JAKMIP2: variants seen among roughly 807,000 people sequenced by gnomAD.
JAKMIP2 encodes the protein janus kinase and microtubule-interacting protein 2.
Under a neutral mutation model 115.0 loss-of-function variants are expected in JAKMIP2, and 25 were observed. The observed-to-expected ratio is 0.22, with a 90% CI of 0.16 to 0.30. JAKMIP2 has a LOEUF of 0.30. JAKMIP2 is among the 10% of genes least tolerant of loss of function. JAKMIP2 has a pLI of 1.00. For synonymous variants in JAKMIP2, 334 were observed against 343.6 expected (o/e 0.97, Z 0.31); for missense variants, 642 against 957.6 (o/e 0.67, Z 4.35).
At chr5:147,754,918 A>G (rs1035199731) in intron 1 of JAKMIP2, among the ~76,000 whole-genome samples, 4 of 152,194 alleles carry the variant, frequency 2.6e-5, no homozygotes, top group East Asian at 1.9e-4. Context: ...TTAGGCCACT[A>G]TGAGTGGAAG....
intron 1 of JAKMIP2, among the ~76,000 whole-genome samples, chr5:147,751,351 G>A (rs899141419): frequency 3.4e-4 from 50 of 148,390 alleles, no homozygotes; most frequent in South Asian, 4.4e-4. Context: ...GCCCTCCTCC[G>A]CCTCCCAACG....
chr5:147,774,101 T>C (rs957096717), intron 1 of JAKMIP2, among the ~76,000 whole-genome samples: 9 of 152,144 alleles, frequency 5.9e-5, no homozygotes, highest in African/African-American at 2.2e-4. Context: ...CTAAAAATAA[T>C]ATATTCTCTA....
intron 1 of JAKMIP2, among the ~76,000 whole-genome samples, chr5:147,760,068 T>G (rs1301625029): frequency 1.3e-5 from 2 of 152,080 alleles, no homozygotes; most frequent in African/African-American, 2.4e-5. Context: ...CAAATTGGCT[T>G]TAAAACCTAA....
intron 1 of JAKMIP2, among the ~76,000 whole-genome samples, chr5:147,702,452 A>AGGAG (rs1386186034): frequency 8.0e-6 from 1 of 124,508 alleles, no homozygotes; most frequent in African/African-American, 3.5e-5. Context: ...GAAGGAAGGA[A>AGGAG]GGAAGGAAGG....
chr5:147,750,482 T>C (rs1294279122), intron 1 of JAKMIP2, among the ~76,000 whole-genome samples: 1 of 151,748 alleles, frequency 6.6e-6, no homozygotes, highest in Non-Finnish European at 1.5e-5. Flanking sequence ...AAGACTGATG[T>C]AAAGTCTGAA....
At chr5:147,679,956 T>C (rs1419437909) in intron 1 of JAKMIP2, among the ~76,000 whole-genome samples, 2 of 152,104 alleles carry the variant, frequency 1.3e-5, no homozygotes, top group Non-Finnish European at 2.9e-5. Context: ...AATAGAATGG[T>C]GATTAGTAAC....
In JAKMIP2 at chr5:147,640,721, C is replaced by T. The variant is rs375701516; in HGVS notation, c.1384G>A (p.Asp462Asn). 31 of 1,613,564 alleles carry T rather than the reference C, an allele frequency of 1.9e-5. No individual in the cohort carries two copies. The highest frequency in any genetic ancestry group is 1.5e-4 in the Admixed American group (9 of 59,974). ...FRTDRTPATP[D>N]DDLDESLAAE... Reference sequence around the variant, plus strand: ...AAGCTTACTTCATCCAAGTCATCATCAGGAGTAGCTGGTGTTCTGTCTGTT... The same window carrying T: ...AAGCTTACTTCATCCAAGTCATCATTAGGAGTAGCTGGTGTTCTGTCTGTT... Residue 462 changes from aspartate to asparagine, a missense_variant, in exon 9 of 22, where the codon GAT (aspartate) becomes AAT (asparagine). Coordinates refer to ENST00000616793, the MANE Select transcript of JAKMIP2 (RefSeq NM_001270941.2).
chr5:147,601,576 C>T (rs936097605), intron 21 of JAKMIP2, among the ~76,000 whole-genome samples, 165 bp downstream of exon 21: 5 of 152,038 alleles, frequency 3.3e-5, no homozygotes, highest in African/African-American at 1.2e-4. Context: ...GTATTCCAGC[C>T]TGGGTGACAG....
At chr5:147,650,131 T>C (rs1431498284) in intron 4 of JAKMIP2, among the ~76,000 whole-genome samples, 2 of 152,212 alleles carry the variant, frequency 1.3e-5, no homozygotes, top group Non-Finnish European at 2.9e-5. Flanking sequence ...AAGAAATCTA[T>C]CTCATGTGAT....
At chr5:147,691,818 G>A (rs754699825) in intron 1 of JAKMIP2, among the ~76,000 whole-genome samples, 10 of 152,160 alleles carry the variant, frequency 6.6e-5, no homozygotes, top group East Asian at 5.8e-4. Context: ...GCATGGGAGC[G>A]GTTAAGCAGC....
chr5:147,643,219 A>G (rs966745712), intron 7 of JAKMIP2, among the ~76,000 whole-genome samples: 2 of 152,182 alleles, frequency 1.3e-5, no homozygotes, highest in African/African-American at 4.8e-5. Flanking sequence ...TATTCATTGT[A>G]ACATATAGTC....
At chr5:147,693,213 A>T (rs990931415) in intron 1 of JAKMIP2, among the ~76,000 whole-genome samples, 1 of 152,230 alleles carries the variant, frequency 6.6e-6, no homozygotes, top group African/African-American at 2.4e-5. Flanking sequence ...GCCAGCTCTT[A>T]TCTCTTACTA....
At chr5:147,623,979 C>A (rs940186751) in intron 16 of JAKMIP2, among the ~76,000 whole-genome samples, 1 of 151,868 alleles carries the variant, frequency 6.6e-6, no homozygotes, top group Non-Finnish European at 1.5e-5. Flanking sequence ...GGATTACAGG[C>A]GCCTGCCACC....
At chr5:147,702,612 GA>G (rs1373866042) in intron 1 of JAKMIP2, among the ~76,000 whole-genome samples, 4 of 31,028 alleles carry the variant, frequency 1.3e-4, no homozygotes, top group Admixed American at 3.9e-4. Context: ...AGGAAAGAAA[GA>G]AAGAAAGAAA....
rs60275664 is a variant in JAKMIP2, at chr5:147,745,056, CAAAAAAAAAAA to C, written c.-149+37389_-149+37399del. Among the ~76,000 whole-genome samples the C allele has an allele frequency of 1.7e-3, 146 of 88,400 alleles. 1 individual carries two copies. The highest frequency in any genetic ancestry group is 5.2e-3 in the African/African-American group (139 of 26,698). The allele number at this position is 88,400 out of a possible 152,430, so 58.0% of individuals were successfully genotyped here. A position where few individuals can be genotyped will look rare whatever the true frequency, so the allele number is the denominator to read the frequency against. On this transcript the variant is annotated intron_variant, in intron 1 of 21. Transcript: ENST00000616793. The stretch of plus-strand genomic sequence containing the variant: ...CTGGCAACAGAGCTAGACTCTGTCT[CAAAAAAAAAAA>C]AAAAAAAAGGAAATAAGGTCTGGCC...
At chr5:147,634,308 A>G (rs1451617665) in intron 12 of JAKMIP2, among the ~76,000 whole-genome samples, 1 of 152,156 alleles carries the variant, frequency 6.6e-6, no homozygotes, top group Non-Finnish European at 1.5e-5. Flanking sequence ...TAGAAGACGT[A>G]ATGGGATTTT....
intron 1 of JAKMIP2, among the ~76,000 whole-genome samples, chr5:147,774,938 C>T (rs560073620): frequency 6.6e-6 from 1 of 151,958 alleles, no homozygotes; most frequent in African/African-American, 2.4e-5. Context: ...AAAATAATAC[C>T]GAGTGGTTTT....
At chr5:147,703,592 C>CTT (rs543400413) in intron 1 of JAKMIP2, among the ~76,000 whole-genome samples, 191 of 139,558 alleles carry the variant, frequency 1.4e-3, no homozygotes, top group Non-Finnish European at 1.7e-3. Context: ...CGTACTGTAA[C>CTT]TTTTTTTTTT....
intron 21 of JAKMIP2, among the ~76,000 whole-genome samples, chr5:147,592,330 T>C (rs1410365608): frequency 2.0e-5 from 3 of 152,184 alleles, no homozygotes; most frequent in Admixed American, 1.3e-4. Context: ...ATTGTAACCA[T>C]TGGCAAATTG....
Sources: allele counts gnomAD v4.1 joint callset (sites outside exome capture counted in the v4.1 genomes callset), GRCh38; gene constraint gnomAD v4.1.1; transcripts MANE v1.5; gene names NCBI Gene and HGNC (gene_info 2026-07-23, HGNC 2026-07-21).